Variants in AR observed in about 807,000 individuals in gnomAD.
AR encodes androgen receptor.
Under a neutral mutation model 53.9 loss-of-function variants are expected in AR, and 8 were observed. That is an observed-to-expected ratio of 0.15 (90% CI 0.09 to 0.27). AR has a LOEUF of 0.27. AR is among the 10% of genes least tolerant of loss of function. The probability of loss-of-function intolerance (pLI) is 1.00; values close to 1 mark genes in which losing one functional copy is unlikely to be tolerated. For missense variants in AR, 639 were observed against 742.5 expected, an observed-to-expected ratio of 0.86 and a Z score of 1.62; for synonymous variants, 359 against 316.4, an observed-to-expected ratio of 1.13 and a Z score of -1.43.
intron 2 of AR, among the ~76,000 whole-genome samples, chrX:67,682,463 C>A (rs1471880881): frequency 6.5e-5 from 7 of 107,477 alleles, no homozygotes; most frequent in African/African-American, 2.4e-4. Context: ...TTTTTTTTTT[C>A]ATTTTTTTAT....
At chrX:67,703,719 A>G (rs1163138220) in intron 3 of AR, among the ~76,000 whole-genome samples, 1 of 111,871 alleles carries the variant, frequency 8.9e-6, no homozygotes, top group Non-Finnish European at 1.9e-5. Context: ...ATATGTATAC[A>G]TGTGCCAAGT....
intron 1 of AR, among the ~76,000 whole-genome samples, chrX:67,551,010 T>TTTTG (rs1447058674): frequency 1.9e-5 from 2 of 103,532 alleles, no homozygotes; most frequent in African/African-American, 7.4e-5. Flanking sequence ...GGTTTTTTTT[T>TTTTG]TTTTTTTTTT....
At chrX:67,630,853 G>A (rs377162361) in intron 1 of AR, among the ~76,000 whole-genome samples, 12 of 109,650 alleles carry the variant, frequency 1.1e-4, no homozygotes, top group South Asian at 4.1e-4. Context: ...AAAATCTCTC[G>A]GCATTTGCTT....
At chrX:67,664,741 C>A (rs987571599) in intron 2 of AR, among the ~76,000 whole-genome samples, 17 of 112,545 alleles carry the variant, frequency 1.5e-4, no homozygotes, top group African/African-American at 5.5e-4. Context: ...AGGCAGGCCT[C>A]CTTGAGCTGT....
In AR at chrX:67,722,840, G is replaced by A. The variant is rs747680662; in HGVS notation, c.2463G>A (p.Gly821=). Residue 821 remains glycine (G), a synonymous_variant, in exon 7 of 8, where the codon GGG becomes GGA. Transcript: ENST00000374690. ...ATCCCACATCAGTTCCAGTGGATGG[G>A]CTGAAAAATCAAAAATTCTTTGATG... ...LLLFSIIPVD[G]LKNQKFFDEL... 1 of 1,211,009 alleles carries A rather than the reference G, an allele frequency of 8.3e-7. No individual in the cohort carries two copies. The highest frequency in any genetic ancestry group is 2.2e-5 in the Admixed American group (1 of 45,997).
chrX:67,684,504 G>T (rs2075955043), intron 2 of AR, among the ~76,000 whole-genome samples: 2 of 110,846 alleles, frequency 1.8e-5, no homozygotes, highest in African/African-American at 6.6e-5. Context: ...CACTTCCCTG[G>T]AACTCCTCCT....
At chrX:67,607,731 C>T (rs1926926) in intron 1 of AR, among the ~76,000 whole-genome samples, 7,925 of 111,881 alleles carry the variant, frequency 0.071, 699 homozygotes, top group African/African-American at 0.24. Flanking sequence ...GATGTTCTGT[C>T]CCCACTGTGA....
At chrX:67,614,238 A>G (rs934706882) in intron 1 of AR, among the ~76,000 whole-genome samples, 1 of 111,719 alleles carries the variant, frequency 9.0e-6, no homozygotes, top group Non-Finnish European at 1.9e-5. Context: ...CAGAGTCAAG[A>G]AAAATAAAAC....
At chrX:67,694,658 T>G (rs1488990599) in intron 3 of AR, 3 of 1,154,341 alleles carry the variant, frequency 2.6e-6, no homozygotes, top group Non-Finnish European at 3.4e-6. Context: ...CAACAATGTC[T>G]CTCTTTCATA....
chrX:67,601,948 C>A (rs1923384527), intron 1 of AR, among the ~76,000 whole-genome samples: 1 of 111,523 alleles, frequency 9.0e-6, no homozygotes, highest in South Asian at 3.8e-4. Context: ...CTAATTAGGC[C>A]CCCTGCCTTC....
At chrX:67,609,786 T>TA (rs772897935) in intron 1 of AR, among the ~76,000 whole-genome samples, 1 of 111,784 alleles carries the variant, frequency 8.9e-6, no homozygotes, top group East Asian at 2.8e-4. Context: ...AATTCAGACG[T>TA]ATTCTCCGAA....
At chrX:67,553,583 C>T (rs768188939) in intron 1 of AR, among the ~76,000 whole-genome samples, 19 of 111,831 alleles carry the variant, frequency 1.7e-4, no homozygotes, top group Middle Eastern at 4.6e-3. Context: ...TCAATTTCTA[C>T]GAAGAAGTCA....
chrX:67,680,710 T>C (rs1488610335), intron 2 of AR: 1 of 329,443 alleles, frequency 3.0e-6, no homozygotes, highest in African/African-American at 2.7e-5. Context: ...ACCTCCTCTG[T>C]TCCAAACAGG....
At chrX:67,597,862 TTTG>T (rs1412272406) in intron 1 of AR, among the ~76,000 whole-genome samples, 1 of 111,744 alleles carries the variant, frequency 8.9e-6, no homozygotes, top group Non-Finnish European at 1.9e-5. Flanking sequence ...GACAAAGACT[TTTG>T]TTGTTGTTGT....
chrX:67,595,155 T>A (rs1475241743), intron 1 of AR, among the ~76,000 whole-genome samples: 1 of 111,371 alleles, frequency 9.0e-6, no homozygotes, highest in Non-Finnish European at 1.9e-5. Context: ...TCTGAAAACA[T>A]GCTGAGCACG....
At chrX:67,677,914 C>T (rs1030585877) in intron 2 of AR, among the ~76,000 whole-genome samples, 1 of 110,966 alleles carries the variant, frequency 9.0e-6, no homozygotes, top group Non-Finnish European at 1.9e-5. Flanking sequence ...CTGTAGAGTG[C>T]TTTACACTTT....
intron 1 of AR, among the ~76,000 whole-genome samples, chrX:67,573,058 A>G (rs1921897279): frequency 9.0e-6 from 1 of 111,579 alleles, no homozygotes; most frequent in Non-Finnish European, 1.9e-5. Context: ...GTGATAGATG[A>G]TAATTTGAGC....
intron 2 of AR, among the ~76,000 whole-genome samples, chrX:67,662,827 A>G (rs1027380831): frequency 3.6e-5 from 4 of 111,288 alleles, no homozygotes; most frequent in Admixed American, 9.6e-5. Context: ...TTGCATATAT[A>G]TTTAGGATAG....
At chrX:67,636,931 C>T (rs1444827589) in intron 1 of AR, among the ~76,000 whole-genome samples, 1 of 111,665 alleles carries the variant, frequency 9.0e-6, no homozygotes, top group Non-Finnish European at 1.9e-5. Context: ...TCCTCCTTTA[C>T]AGTTATTTTT....
Sources: allele counts gnomAD v4.1 joint callset (sites outside exome capture counted in the v4.1 genomes callset), GRCh38; gene constraint gnomAD v4.1.1; transcripts MANE v1.5; gene names NCBI Gene and HGNC (gene_info 2026-07-23, HGNC 2026-07-21).